NAV2: variants seen among roughly 807,000 people sequenced by gnomAD.
NAV2 encodes the protein helicase, APC down-regulated 1.
Under a neutral mutation model 223.2 loss-of-function variants are expected in NAV2, and 54 were observed. The observed-to-expected ratio is 0.24, with a 90% CI of 0.19 to 0.30. The LOEUF is 0.30. Ranked by LOEUF, NAV2 falls within the 10% of genes least tolerant of loss-of-function variation. The probability of loss-of-function intolerance (pLI) is 1.00; values close to 1 mark genes in which losing one functional copy is unlikely to be tolerated. For synonymous variants in NAV2, 1,279 were observed against 1,239.3 expected (o/e 1.03, Z -0.67); for missense variants, 2,806 against 3,147.5 (o/e 0.89, Z 2.60).
intron 22 of NAV2, among the ~76,000 whole-genome samples, chr11:20,076,327 G>T (rs1034478352): frequency 2.0e-5 from 3 of 152,158 alleles, no homozygotes; most frequent in Admixed American, 1.3e-4. Flanking sequence ...CAACATATAT[G>T]ATTGAGTGGC....
chr11:19,727,709 C>A (rs796384165), intron 1 of NAV2, among the ~76,000 whole-genome samples: 17 of 152,324 alleles, frequency 1.1e-4, no homozygotes, highest in African/African-American at 3.6e-4. Context: ...GATGTTGGAG[C>A]CTTTTTCCCT....
At chr11:19,662,006 G>T (rs1020445869) in intron 1 of NAV2, among the ~76,000 whole-genome samples, 2 of 152,176 alleles carry the variant, frequency 1.3e-5, no homozygotes, top group South Asian at 2.1e-4. Context: ...GAATGCAGTG[G>T]AAAAGTGCTG....
chr11:19,583,682 A>G (rs979202012), intron 1 of NAV2, among the ~76,000 whole-genome samples: 2 of 152,190 alleles, frequency 1.3e-5, no homozygotes, highest in African/African-American at 2.4e-5. Context: ...GATTACGTTT[A>G]TTGATTTGCG....
chr11:20,120,810 T>C lies in NAV2; in HGVS notation c.*2552T>C, dbSNP rs900151478. 2.0e-5 allele frequency: 3 copies of C among 152,042 alleles called. No individual in the cohort carries two copies. The South Asian group carries it at 6.2e-4, about 32-fold the overall frequency. The allele number at this position is 152,042 out of a possible 1,614,324, so 9.4% of individuals were successfully genotyped here. A position where few individuals can be genotyped will look rare whatever the true frequency, so the allele number is the denominator to read the frequency against. Reference sequence around the variant, plus strand: ...TGTCTAATATGCACATTTCTTATTTTGGTCATATTTTTACTTTAGTGTCAC... The same window carrying C: ...TGTCTAATATGCACATTTCTTATTTCGGTCATATTTTTACTTTAGTGTCAC... On this transcript the variant is annotated 3_prime_UTR_variant, in exon 38 of 38. Transcript: ENST00000349880.
At chr11:19,701,233 C>A (rs1384346574) in intron 1 of NAV2, among the ~76,000 whole-genome samples, 1 of 152,106 alleles carries the variant, frequency 6.6e-6, no homozygotes, top group Non-Finnish European at 1.5e-5. Flanking sequence ...GCCAGAGTTT[C>A]TCCTGTAGGG....
intron 37 of NAV2, among the ~76,000 whole-genome samples, chr11:20,116,605 T>C (rs1043370928): frequency 2.6e-5 from 4 of 152,172 alleles, no homozygotes; most frequent in Non-Finnish European, 5.9e-5. Flanking sequence ...CTAAACAATC[T>C]TTTCTGAGCC....
intron 1 of NAV2, among the ~76,000 whole-genome samples, chr11:19,383,601 G>A (rs899144949): frequency 4.6e-5 from 7 of 152,128 alleles, no homozygotes; most frequent in Admixed American, 6.5e-5. Flanking sequence ...CACAGACTTC[G>A]GCGTCACACA....
At chr11:19,640,741 G>A (rs1380479696) in intron 1 of NAV2, among the ~76,000 whole-genome samples, 2 of 152,208 alleles carry the variant, frequency 1.3e-5, no homozygotes, top group African/African-American at 4.8e-5. Flanking sequence ...AGATGCAAAT[G>A]TTTGTCTCAG....
chr11:19,506,236 T>C (rs1012871783), intron 1 of NAV2: 6 of 152,344 alleles, frequency 3.9e-5, no homozygotes, highest in African/African-American at 1.4e-4. Context: ...TTCATCCAAA[T>C]CTGGAAGAGG....
At chr11:19,714,273 G>A (rs1399808705) in intron 1 of NAV2, 1 of 599,016 alleles carries the variant, frequency 1.7e-6, no homozygotes, top group East Asian at 3.6e-5. Flanking sequence ...CTGGAAATGT[G>A]AGGTCCTGCA....
At chr11:19,751,024 C>G (rs1194475122) in intron 1 of NAV2, among the ~76,000 whole-genome samples, 1 of 152,178 alleles carries the variant, frequency 6.6e-6, no homozygotes, top group African/African-American at 2.4e-5. Context: ...TTGTGTGCAT[C>G]TCTTCCCAAT....
chr11:20,058,061 C>G (rs2058474098), intron 19 of NAV2, among the ~76,000 whole-genome samples: 1 of 152,164 alleles, frequency 6.6e-6, no homozygotes, highest in South Asian at 2.1e-4. Context: ...GATTTTATTT[C>G]TTCTAAGGTT....
At chr11:20,094,093 G>A (rs1477347236) in intron 29 of NAV2, among the ~76,000 whole-genome samples, 1 of 152,086 alleles carries the variant, frequency 6.6e-6, no homozygotes, top group Non-Finnish European at 1.5e-5. Flanking sequence ...TAGGGGGTAA[G>A]CTCAGCATTT....
intron 19 of NAV2, among the ~76,000 whole-genome samples, chr11:20,057,452 G>A (rs2153614901): frequency 6.6e-6 from 1 of 152,300 alleles, no homozygotes; most frequent in East Asian, 1.9e-4. Context: ...GGATTAAGGA[G>A]GGGAGAAGCC....
chr11:19,991,647 G>T (rs1261386177), intron 11 of NAV2, among the ~76,000 whole-genome samples: 2 of 152,154 alleles, frequency 1.3e-5, no homozygotes, highest in East Asian at 3.9e-4. Flanking sequence ...AAAATATGAT[G>T]TGCAAAAAAA....
chr11:19,519,258 A>C (rs1311911857), intron 1 of NAV2, among the ~76,000 whole-genome samples: 20 of 151,664 alleles, frequency 1.3e-4, no homozygotes, highest in Non-Finnish European at 1.5e-5. Flanking sequence ...CTCTCAGGGC[A>C]GGCTTCCCAG....
intron 1 of NAV2, among the ~76,000 whole-genome samples, chr11:19,466,989 A>T (rs56263588): frequency 3.3e-3 from 267 of 80,474 alleles, no homozygotes; most frequent in East Asian, 5.8e-3. Context: ...CTCTCTACAC[A>T]CACACACACA....
At chr11:19,826,021 G>A (rs2059628231) in intron 1 of NAV2, among the ~76,000 whole-genome samples, 1 of 152,188 alleles carries the variant, frequency 6.6e-6, no homozygotes, top group African/African-American at 2.4e-5. Flanking sequence ...GAAGGGATGG[G>A]CAGAGGGGTA....
intron 10 of NAV2, among the ~76,000 whole-genome samples, chr11:19,977,945 C>G (rs2049930077): frequency 6.6e-6 from 1 of 151,552 alleles, no homozygotes; most frequent in Non-Finnish European, 1.5e-5. Context: ...GCTGGGATTA[C>G]AGGCGCCTGC....
Sources: gnomAD v4.1 joint callset for allele counts (sites outside exome capture counted in the v4.1 genomes callset) on GRCh38, gnomAD v4.1.1 for gene constraint, MANE v1.5 for transcripts, NCBI Gene and HGNC (gene_info 2026-07-23, HGNC 2026-07-21) for gene names.